KCNH7: variants seen among roughly 807,000 people sequenced by gnomAD.
The protein encoded by KCNH7 is voltage-gated inwardly rectifying potassium channel KCNH7.
A neutral mutation model predicts 120.8 loss-of-function variants in KCNH7; 49 were observed. The ratio of observed to expected loss-of-function variants is 0.41; its 90% CI spans 0.32 to 0.51. The LOEUF (loss-of-function observed/expected upper bound fraction) is 0.51, where lower values mean the gene tolerates loss of function less well. KCNH7 is among the 20% of genes least tolerant of loss of function. KCNH7 has a pLI of 0.38. For missense variants in KCNH7, 1,097 were observed against 1,446.6 expected, an observed-to-expected ratio of 0.76 and a Z score of 3.92; for synonymous variants, 547 against 516.1, an observed-to-expected ratio of 1.06 and a Z score of -0.81.
chr2:162,773,452 C>A (rs1209634458), intron 2 of KCNH7, among the ~76,000 whole-genome samples: 2 of 152,176 alleles, frequency 1.3e-5, no homozygotes, highest in African/African-American at 4.8e-5. Flanking sequence ...CACGCCGCTG[C>A]ACTCCAGCCT....
At chr2:162,499,742 GCTA>G (rs751427662) in intron 6 of KCNH7, among the ~76,000 whole-genome samples, 1 of 152,076 alleles carries the variant, frequency 6.6e-6, no homozygotes, top group Non-Finnish European at 1.5e-5. Flanking sequence ...CATTTAAGAT[GCTA>G]CTATGTGTCA....
In KCNH7 at chr2:162,380,989, T is replaced by C. The variant is rs571452725; in HGVS notation, c.2963-968A>G. Among the ~76,000 whole-genome samples the C allele has an allele frequency of 6.6e-5, 10 of 152,310 alleles. No homozygotes were observed. In the East Asian group the frequency reaches 1.5e-3, roughly 24 times the overall value. On this transcript the variant is annotated intron_variant, in intron 13 of 15. Transcript: ENST00000332142. ...GTCCTTTCCCCCTCATTTTTGTCTATATTTTAGATGTTTTTGCTGCTCTCT... is the reference window on the plus strand; with the variant it reads ...GTCCTTTCCCCCTCATTTTTGTCTACATTTTAGATGTTTTTGCTGCTCTCT...
intron 8 of KCNH7, among the ~76,000 whole-genome samples, chr2:162,431,480 T>G (rs909827893): frequency 6.6e-6 from 1 of 151,930 alleles, no homozygotes; most frequent in African/African-American, 2.4e-5. Context: ...GTACATAAAT[T>G]TCAGTATTCT....
At chr2:162,716,585 T>G (rs1687131923) in intron 2 of KCNH7, among the ~76,000 whole-genome samples, 1 of 152,158 alleles carries the variant, frequency 6.6e-6, no homozygotes, top group South Asian at 2.1e-4. Flanking sequence ...TGTACTTACA[T>G]GCTACAGTAA....
chr2:162,487,444 C>A (rs1007008743), intron 6 of KCNH7, among the ~76,000 whole-genome samples: 3 of 152,016 alleles, frequency 2.0e-5, no homozygotes, highest in East Asian at 1.9e-4. Flanking sequence ...GATTCTCAGG[C>A]TCCACTGATA....
chr2:162,661,871 A>G (rs1240785444), intron 2 of KCNH7, among the ~76,000 whole-genome samples: 1 of 152,150 alleles, frequency 6.6e-6, no homozygotes, highest in Non-Finnish European at 1.5e-5. Context: ...ACAGGTCCTG[A>G]TGTTGGGTTT....
intron 2 of KCNH7, among the ~76,000 whole-genome samples, chr2:162,655,087 A>T (rs1684699468): frequency 6.6e-6 from 1 of 152,170 alleles, no homozygotes; most frequent in African/African-American, 2.4e-5. Flanking sequence ...AGTTAATAAT[A>T]ATTTATTTTA....
At chr2:162,628,635 T>G (rs368271668) in intron 2 of KCNH7, among the ~76,000 whole-genome samples, 30 of 152,194 alleles carry the variant, frequency 2.0e-4, no homozygotes, top group African/African-American at 6.7e-4. Context: ...GTTGTTCCCC[T>G]CTATGTGCCC....
At chr2:162,637,389 GTT>G (rs1272595379) in intron 2 of KCNH7, among the ~76,000 whole-genome samples, 7 of 152,062 alleles carry the variant, frequency 4.6e-5, no homozygotes, top group Non-Finnish European at 1.0e-4. Context: ...ATACCCGATA[GTT>G]CCAAGTGGCC....
intron 2 of KCNH7, among the ~76,000 whole-genome samples, chr2:162,806,806 T>G (rs1275211649): frequency 6.6e-6 from 1 of 152,144 alleles, no homozygotes; most frequent in Non-Finnish European, 1.5e-5. Flanking sequence ...TGATTTTTTG[T>G]TTTTGTTTTT....
intron 2 of KCNH7, among the ~76,000 whole-genome samples, chr2:162,744,282 C>A (rs1378042347): frequency 6.6e-6 from 1 of 152,138 alleles, no homozygotes; most frequent in Non-Finnish European, 1.5e-5. Context: ...TCAAGGAGAA[C>A]TTGATAGCAT....
chr2:162,617,701 T>C (rs948645444), intron 2 of KCNH7, among the ~76,000 whole-genome samples: 2 of 152,158 alleles, frequency 1.3e-5, no homozygotes, highest in Admixed American at 6.5e-5. Flanking sequence ...CCGATATTAG[T>C]GTAACGTTTC....
Position 162,613,151 on chromosome 2 carries a change from G to A in KCNH7, c.308-76071C>T, listed in dbSNP as rs77506884. 9.1e-3 allele frequency among the ~76,000 whole-genome samples: 1,384 copies of A among 151,962 alleles called. 29 individuals carry two copies. The highest frequency in any genetic ancestry group is 0.031 in the African/African-American group (1,306 of 41,492). ...TACATTTCAATCAAGTAAATACAAA[G>A]GAATCCACAGTCAGAGGTATCATAT... On this transcript the variant is annotated intron_variant, in intron 2 of 15. Transcript: ENST00000332142.
intron 2 of KCNH7, among the ~76,000 whole-genome samples, chr2:162,669,529 A>G (rs1309255814): frequency 6.6e-6 from 1 of 152,234 alleles, no homozygotes; most frequent in Non-Finnish European, 1.5e-5. Flanking sequence ...CTCTCAAAAG[A>G]ACAAGACAGA....
chr2:162,830,096 C>G (rs1685421931), intron 2 of KCNH7, among the ~76,000 whole-genome samples: 1 of 152,098 alleles, frequency 6.6e-6, no homozygotes, highest in Non-Finnish European at 1.5e-5. Context: ...TATGAGGAGA[C>G]AGAAGTGCAG....
intron 14 of KCNH7, among the ~76,000 whole-genome samples, chr2:162,376,478 C>A (rs558824621): frequency 6.6e-6 from 1 of 151,708 alleles, no homozygotes; most frequent in South Asian, 2.1e-4. Context: ...CAATTCTCTG[C>A]CTCAGCCTCC....
At chr2:162,477,817 TATCCATCC>T (rs4001398) in intron 6 of KCNH7, among the ~76,000 whole-genome samples, 32 of 148,902 alleles carry the variant, frequency 2.1e-4, no homozygotes, top group South Asian at 1.5e-3. Context: ...CCCAAACATC[TATCCATCC>T]ATCCATCCAT....
At chr2:162,837,078 C>G (rs1685689499) in intron 1 of KCNH7, among the ~76,000 whole-genome samples, 1 of 152,178 alleles carries the variant, frequency 6.6e-6, no homozygotes, top group Non-Finnish European at 1.5e-5. Context: ...CTCAGACAAG[C>G]AGCTGCCCAT....
At chr2:162,428,789 A>G (rs1222026677) in intron 8 of KCNH7, among the ~76,000 whole-genome samples, 1 of 151,876 alleles carries the variant, frequency 6.6e-6, no homozygotes, top group Non-Finnish European at 1.5e-5. Context: ...ACCTGTCCTG[A>G]AGTTAATAAC....
Sources: allele counts gnomAD v4.1 joint callset (sites outside exome capture counted in the v4.1 genomes callset), GRCh38; gene constraint gnomAD v4.1.1; transcripts MANE v1.5; gene names NCBI Gene and HGNC (gene_info 2026-07-23, HGNC 2026-07-21).